ADRA1B: variants seen among roughly 807,000 people sequenced by gnomAD.
ADRA1B encodes the protein adrenoceptor alpha 1B, also known as alpha-1B adrenergic receptor.
ADRA1B carries 17 observed loss-of-function variants against 17.9 expected under a neutral mutation model. The observed-to-expected ratio is 0.95, with a 90% CI of 0.65 to 1.42. The LOEUF is 1.42. Ranked by LOEUF, ADRA1B falls within the 40% of genes most tolerant of loss-of-function variation. The pLI is 0.00. For missense variants in ADRA1B, 681 were observed against 722.1 expected (o/e 0.94, Z 0.65); for synonymous variants, 366 against 327.6 (o/e 1.12, Z -1.27).
rs770527826 is a variant in ADRA1B, at chr5:159,917,407, A to G, written c.502A>G (p.Ser168Gly). The G allele has an allele frequency of 2.5e-6, 4 of 1,613,962 alleles. No homozygotes were observed. The East Asian group carries it at 8.9e-5, about 36-fold the overall frequency. ...TRRKAILALLSVWVLSTVISI... is the reference protein window; with the variant it reads ...TRRKAILALLGVWVLSTVISI... Reference sequence around the variant, plus strand: ...GAGGAAGGCCATCTTGGCGCTGCTCAGTGTCTGGGTCTTGTCCACCGTCAT... The same window carrying G: ...GAGGAAGGCCATCTTGGCGCTGCTCGGTGTCTGGGTCTTGTCCACCGTCAT... Residue 168 changes from serine to glycine, a missense_variant, in exon 1 of 2, where the codon AGT becomes GGT. By Grantham distance (56) the Ser-to-Gly change is moderately conservative. Transcript: ENST00000306675.
chr5:159,903,426 G>A (rs1305807944), intron 1 of ADRA1B, among the ~76,000 whole-genome samples: 2 of 152,178 alleles, frequency 1.3e-5, no homozygotes, highest in Non-Finnish European at 2.9e-5. Context: ...AATAAAAGCA[G>A]CTGTAAATTT....
chr5:159,906,760 G>A (rs542237186), intron 1 of ADRA1B, among the ~76,000 whole-genome samples: 46 of 152,336 alleles, frequency 3.0e-4, no homozygotes, highest in African/African-American at 1.1e-3. Flanking sequence ...TTTTTGAGTG[G>A]CAACAAAGGG....
chr5:159,949,752 T>A (rs545554806), intron 1 of ADRA1B, among the ~76,000 whole-genome samples: 2 of 152,338 alleles, frequency 1.3e-5, no homozygotes, highest in East Asian at 3.9e-4. Flanking sequence ...CAGCAAGATC[T>A]CAGAGCAGAT....
At chr5:159,892,574 A>G (rs551344076) in intron 1 of ADRA1B, among the ~76,000 whole-genome samples, 2 of 152,280 alleles carry the variant, frequency 1.3e-5, no homozygotes, top group East Asian at 3.9e-4. Context: ...TGTAAGTGAG[A>G]ACATGTGGTA....
At chr5:159,951,370 C>T in intron 1 of ADRA1B, 1 of 1,013,104 alleles carries the variant, frequency 9.9e-7, no homozygotes. Flanking sequence ...AACATGTAAA[C>T]CATGTAGTTG....
chr5:159,882,474 G>A (rs1048002436), intron 1 of ADRA1B, among the ~76,000 whole-genome samples: 5 of 152,192 alleles, frequency 3.3e-5, no homozygotes, highest in African/African-American at 9.7e-5. Flanking sequence ...ACTTGCCCAC[G>A]ATCAGATAGT....
intron 1 of ADRA1B, among the ~76,000 whole-genome samples, chr5:159,877,635 C>A (rs983933737): frequency 6.6e-6 from 1 of 152,120 alleles, no homozygotes; most frequent in Non-Finnish European, 1.5e-5. Flanking sequence ...TATGGACTCC[C>A]TACTGTGCAC....
chr5:159,929,317 T>A (rs937688971), intron 1 of ADRA1B, among the ~76,000 whole-genome samples: 2 of 152,198 alleles, frequency 1.3e-5, no homozygotes, highest in African/African-American at 4.8e-5. Flanking sequence ...GCAACAAATG[T>A]AATGTTATAT....
At chr5:159,879,767 G>A (rs112547040) in intron 1 of ADRA1B, among the ~76,000 whole-genome samples, 23 of 152,260 alleles carry the variant, frequency 1.5e-4, no homozygotes, top group African/African-American at 4.6e-4. Context: ...AGGCCGAGGC[G>A]GGCGGATCAC....
chr5:159,917,162 A>T lies in ADRA1B; in HGVS notation c.257A>T (p.Asn86Ile). 6.2e-7 allele frequency: 1 copy of T among 1,613,984 alleles called. No homozygotes were observed. The highest frequency in any genetic ancestry group is 1.3e-5 in the African/African-American group (1 of 74,992). The change falls in exon 1 of 2, where the codon AAC becomes ATC. Residue 86 changes from asparagine to isoleucine, a missense_variant. Transcript: ENST00000306675. Reference protein sequence around the residue: ...LRTPTNYFIVNLAMADLLLSF... With the variant: ...LRTPTNYFIVILAMADLLLSF... The stretch of plus-strand genomic sequence containing the variant: ...ACGCCCACCAACTACTTCATTGTCA[A>T]CCTGGCCATGGCCGACCTGCTGTTG...
chr5:159,939,278 A>AGAGT (rs1417832136), intron 1 of ADRA1B, among the ~76,000 whole-genome samples: 27 of 98,358 alleles, frequency 2.7e-4, no homozygotes, highest in African/African-American at 4.6e-4. Flanking sequence ...AGAGAGAGAG[A>AGAGT]GTGTGTGTGT....
intron 1 of ADRA1B, among the ~76,000 whole-genome samples, chr5:159,899,271 G>A (rs868151941): frequency 7.8e-5 from 9 of 116,042 alleles, no homozygotes; most frequent in African/African-American, 2.0e-4. Context: ...AGAAAGGAAG[G>A]AAGGAAGGAA....
At position 159,962,961 on chromosome 5, in the gene ADRA1B, G is replaced by T. The variant is rs549047294; in HGVS notation, c.950-8918G>T. On this transcript the variant is annotated intron_variant, in intron 1 of 1. Coordinates refer to ENST00000306675, the MANE Select transcript of ADRA1B (RefSeq NM_000679.4). ...TTTTTTTTTTTTTTTTTGAAACAACGTCTATGTTGCCCAGGTTGTTCTCAA... is the reference window on the plus strand; with the variant it reads ...TTTTTTTTTTTTTTTTTGAAACAACTTCTATGTTGCCCAGGTTGTTCTCAA... Among the ~76,000 whole-genome samples, 169 of 95,980 alleles carry T rather than the reference G, an allele frequency of 1.8e-3. 3 individuals carry two copies. The highest frequency in any genetic ancestry group is 7.1e-3 in the African/African-American group (163 of 23,024). The allele number at this position is 95,980 out of a possible 152,430, so 63.0% of individuals were successfully genotyped here.
chr5:159,983,074 C>T, the ADRA1B span, among the ~76,000 whole-genome samples: 11 of 152,180 alleles, frequency 7.2e-5, no homozygotes, highest in African/African-American at 9.7e-5. Flanking sequence ...TTGATGAGGA[C>T]GCACCTGCTG....
chr5:159,905,017 A>G (rs184882336), intron 1 of ADRA1B, among the ~76,000 whole-genome samples: 39 of 152,350 alleles, frequency 2.6e-4, no homozygotes, highest in African/African-American at 9.1e-4. Flanking sequence ...AGGAGCCAAC[A>G]GATCAAGTCA....
At chr5:159,936,241 T>G (rs1754951607) in intron 1 of ADRA1B, among the ~76,000 whole-genome samples, 1 of 152,110 alleles carries the variant, frequency 6.6e-6, no homozygotes, top group Non-Finnish European at 1.5e-5. Context: ...CAACAAAGAA[T>G]TACCCAACCC....
intron 1 of ADRA1B, among the ~76,000 whole-genome samples, chr5:159,867,679 T>C (rs1434094098): frequency 6.6e-6 from 1 of 152,206 alleles, no homozygotes; most frequent in African/African-American, 2.4e-5. Context: ...GTTTTCCATC[T>C]CTTATTCCAC....
chr5:159,890,055 G>T (rs961356520), intron 1 of ADRA1B, among the ~76,000 whole-genome samples: 1 of 152,194 alleles, frequency 6.6e-6, no homozygotes, highest in African/African-American at 2.4e-5. Flanking sequence ...AGAGGTGTAA[G>T]AGCATGCAAT....
intron 1 of ADRA1B, among the ~76,000 whole-genome samples, chr5:159,895,653 T>G (rs1400702770): frequency 6.6e-6 from 1 of 152,210 alleles, no homozygotes; most frequent in Non-Finnish European, 1.5e-5. Context: ...CATGTACTCC[T>G]GGACTTGTAA....
Sources: allele counts gnomAD v4.1 joint callset (sites outside exome capture counted in the v4.1 genomes callset), GRCh38; gene constraint gnomAD v4.1.1; transcripts MANE v1.5; gene names NCBI Gene and HGNC (gene_info 2026-07-23, HGNC 2026-07-21).